Variants in CDK8 observed in about 807,000 individuals in gnomAD.
CDK8 encodes cyclin dependent kinase 8.
In CDK8, 29 loss-of-function variants were observed where a neutral mutation model predicts 71.5. The observed-to-expected ratio is 0.41, with a 90% confidence interval of 0.30 to 0.55. The LOEUF (loss-of-function observed/expected upper bound fraction) is 0.55, where lower values mean the gene tolerates loss of function less well. Among genes scored for constraint, CDK8 ranks in the 20% least tolerant of loss-of-function variants. CDK8 has a pLI of 0.37. For missense variants in CDK8, 288 were observed against 572.6 expected (o/e 0.50, Z 5.07); for synonymous variants, 161 against 192.1 (o/e 0.84, Z 1.34).
At chr13:26,400,051 G>A (rs1876181466) in intron 9 of CDK8, 1 of 201,478 alleles carries the variant, frequency 5.0e-6, no homozygotes, top group African/African-American at 2.4e-5. Context: ...ATTTAATTCA[G>A]TTTTGATTAA....
At chr13:26,364,631 G>GA (rs1555232908) in intron 4 of CDK8, among the ~76,000 whole-genome samples, 9 of 151,904 alleles carry the variant, frequency 5.9e-5, no homozygotes, top group Non-Finnish European at 1.0e-4. Context: ...CAATCAGAGG[G>GA]AAAAAAGTGT....
intron 12 of CDK8, 52 bp from the exon 13 acceptor site, chr13:26,403,904 G>C: frequency 6.3e-7 from 1 of 1,597,420 alleles, no homozygotes; most frequent in Non-Finnish European, 8.5e-7. Context: ...TATTGGGATT[G>C]AGCTTCCCCT....
chr13:26,342,289 A>G (rs1329698795), intron 2 of CDK8, among the ~76,000 whole-genome samples: 4 of 152,228 alleles, frequency 2.6e-5, no homozygotes, highest in Non-Finnish European at 5.9e-5. Context: ...TAGGATCTAC[A>G]TGCTCTGGCC....
At chr13:26,358,952 A>G (rs79270229) in intron 4 of CDK8, 9,210 of 216,990 alleles carry the variant, frequency 0.042, 899 homozygotes, top group African/African-American at 0.2. Context: ...ACTTGAGTCC[A>G]GGAGTTTGAG....
At chr13:26,335,854 A>G (rs189388067) in intron 1 of CDK8, among the ~76,000 whole-genome samples, 2 of 152,138 alleles carry the variant, frequency 1.3e-5, no homozygotes, top group Admixed American at 1.3e-4. Flanking sequence ...ATTTACTCCC[A>G]CTAAGCATTC....
chr13:26,361,783 C>CTTTTTTTTTTT (rs1201582663), intron 4 of CDK8, among the ~76,000 whole-genome samples: 2 of 112,226 alleles, frequency 1.8e-5, no homozygotes, highest in Non-Finnish European at 3.5e-5. Context: ...TTTTCTTTTC[C>CTTTTTTTTTTT]CTTTTTTTTT....
At chr13:26,257,445 A>G (rs539933350) in intron 1 of CDK8, among the ~76,000 whole-genome samples, 2 of 152,298 alleles carry the variant, frequency 1.3e-5, no homozygotes, top group East Asian at 3.9e-4. Context: ...AGTAGGGAAA[A>G]GGGACCTTTT....
At position 26,307,199 on chromosome 13, in the gene CDK8, G is replaced by A. The variant is rs138019869; in HGVS notation, c.129-30368G>A. ...CTAATCCCTGAAGTTTTTGAATGTG[G>A]CAAGGGGATATTAAAGTTCCAGATG... On this transcript the variant is annotated intron_variant, in intron 1 of 12. Transcript: ENST00000381527. Among the ~76,000 whole-genome samples the A allele has an allele frequency of 6.7e-3, 1,027 of 152,250 alleles. 8 individuals carry two copies. The highest frequency in any genetic ancestry group is 0.024 in the Middle Eastern group (7 of 294).
At chr13:26,380,423 C>T (rs896449932) in intron 4 of CDK8, among the ~76,000 whole-genome samples, 1 of 152,062 alleles carries the variant, frequency 6.6e-6, no homozygotes, top group East Asian at 1.9e-4. Context: ...TCAGGCGACC[C>T]GCCCACCTTG....
At chr13:26,280,004 T>TA (rs1441139578) in intron 1 of CDK8, among the ~76,000 whole-genome samples, 1 of 152,076 alleles carries the variant, frequency 6.6e-6, no homozygotes, top group Admixed American at 6.6e-5. Context: ...TGTGTAAAGA[T>TA]ACGGTAAAAT....
chr13:26,357,512 C>T (rs1185360357), intron 4 of CDK8, among the ~76,000 whole-genome samples: 2 of 152,276 alleles, frequency 1.3e-5, no homozygotes, highest in Admixed American at 1.3e-4. Flanking sequence ...TGACTCTCTT[C>T]CCTTTTCTTT....
intron 1 of CDK8, among the ~76,000 whole-genome samples, chr13:26,290,962 T>A (rs1208200068): frequency 6.6e-6 from 1 of 151,394 alleles, no homozygotes; most frequent in Non-Finnish European, 1.5e-5. Flanking sequence ...TAAAAAAAAA[T>A]ATAAAAATTA....
At chr13:26,273,019 A>C (rs1566466330) in intron 1 of CDK8, among the ~76,000 whole-genome samples, 2 of 151,996 alleles carry the variant, frequency 1.3e-5, no homozygotes, top group Middle Eastern at 6.8e-3. Context: ...TGTGTTTTTG[A>C]TATTATATGT....
At chr13:26,320,231 CT>C (rs1874709681) in intron 1 of CDK8, among the ~76,000 whole-genome samples, 1 of 150,996 alleles carries the variant, frequency 6.6e-6, no homozygotes, top group South Asian at 2.1e-4. Context: ...GAGACCTTGT[CT>C]CTACAAAAAA....
rs117612445 is a variant in CDK8 at position 26,377,440 on chromosome 13, C to T, written c.457-5374C>T. On this transcript the variant is annotated intron_variant, in intron 4 of 12. Transcript: ENST00000381527. ...TGAACATAAGAATGAATGTATAGTA[C>T]TTGAACTGTTTACTATAGAGAATGA... 4.2e-3 allele frequency among the ~76,000 whole-genome samples: 641 copies of T among 152,334 alleles called. 2 individuals are homozygous for T. Among genetic ancestry groups the T allele is most frequent in the Non-Finnish European group, 6.7e-3 (453 of 68,032 alleles).
chr13:26,358,891 G>A (rs1874012528), intron 4 of CDK8: 1 of 176,146 alleles, frequency 5.7e-6, no homozygotes, highest in Non-Finnish European at 1.2e-5. Context: ...GCTGGGTGTG[G>A]TAGCATGCAC....
chr13:26,367,438 T>C (rs1006313877), intron 4 of CDK8, among the ~76,000 whole-genome samples: 2 of 152,194 alleles, frequency 1.3e-5, no homozygotes, highest in Admixed American at 6.5e-5. Flanking sequence ...GCCCCTGTTA[T>C]AGTGGACCTG....
chr13:26,298,156 A>G (rs1046034478), intron 1 of CDK8, among the ~76,000 whole-genome samples: 8 of 152,152 alleles, frequency 5.3e-5, no homozygotes, highest in African/African-American at 1.9e-4. Flanking sequence ...CAGGGATACA[A>G]ATATTTGGTC....
chr13:26,263,838 C>T (rs1000837266), intron 1 of CDK8, among the ~76,000 whole-genome samples: 1 of 151,474 alleles, frequency 6.6e-6, no homozygotes, highest in Non-Finnish European at 1.5e-5. Context: ...GCTCCGTCTC[C>T]TGGGTTCACG....
Sources: allele counts gnomAD v4.1 joint callset (sites outside exome capture counted in the v4.1 genomes callset), GRCh38; gene constraint gnomAD v4.1.1; transcripts MANE v1.5; gene names NCBI Gene and HGNC (gene_info 2026-07-23, HGNC 2026-07-21).